IL23R: variants seen among roughly 807,000 people sequenced by gnomAD.
IL23R encodes interleukin-23 receptor.
Under a neutral mutation model 56.9 loss-of-function variants are expected in IL23R, and 34 were observed. The observed-to-expected ratio is 0.60, with a 90% CI of 0.45 to 0.80. The LOEUF (loss-of-function observed/expected upper bound fraction) is 0.80, where lower values mean the gene tolerates loss of function less well. Among genes scored for constraint, IL23R ranks in the 30% least tolerant of loss-of-function variants. IL23R has a pLI of 0.00. For synonymous variants in IL23R, 230 were observed against 249.2 expected (o/e 0.92, Z 0.73); for missense variants, 635 against 730.0 (o/e 0.87, Z 1.50).
At chr1:67,212,530 C>G (rs1649544722) in intron 6 of IL23R, among the ~76,000 whole-genome samples, 1 of 146,108 alleles carries the variant, frequency 6.8e-6, no homozygotes, top group Non-Finnish European at 1.5e-5. Context: ...CTGCTACTTT[C>G]TAGTCATGCA....
chr1:67,183,509 TG>T (rs1332442732), intron 4 of IL23R, among the ~76,000 whole-genome samples: 1 of 152,204 alleles, frequency 6.6e-6, no homozygotes, highest in African/African-American at 2.4e-5. Flanking sequence ...CACTCTAGCC[TG>T]GGCGACAGAA....
chr1:67,169,647 T>C lies in IL23R; in HGVS notation c.367+9T>C. On this transcript the variant is annotated intron_variant, in intron 3 of 10. Coordinates refer to ENST00000347310, the MANE Select transcript of IL23R (RefSeq NM_144701.3). ...AGACATTTCTTCTGGATGTAAGTGT[T>C]GGGGCACATTTGAAATGCAAACAAA... is the stretch of plus-strand genomic sequence containing the variant. The C allele has an allele frequency of 6.2e-7, 1 of 1,613,128 alleles. No homozygotes were observed. Among genetic ancestry groups the C allele is most frequent in the South Asian group, 1.1e-5 (1 of 91,014 alleles).
At chr1:67,212,010 G>A (rs931572897) in intron 6 of IL23R, among the ~76,000 whole-genome samples, 4 of 152,184 alleles carry the variant, frequency 2.6e-5, no homozygotes, top group Non-Finnish European at 2.9e-5. Flanking sequence ...AACTTATACC[G>A]TCAGTAACTA....
intron 7 of IL23R, among the ~76,000 whole-genome samples, chr1:67,230,631 A>G (rs999675748): frequency 2.6e-5 from 4 of 152,230 alleles, no homozygotes; most frequent in South Asian, 2.1e-4. Flanking sequence ...GCCCAGGAAT[A>G]TAAGAAGGAA....
In IL23R at chr1:67,246,655, G is replaced by T. The variant is rs188966021; in HGVS notation, c.1148+6374G>T. Among the ~76,000 whole-genome samples the T allele has an allele frequency of 2.4e-3, 359 of 152,272 alleles. 2 individuals carry two copies. The highest frequency in any genetic ancestry group is 8.3e-3 in the African/African-American group (346 of 41,550). On this transcript the variant is annotated intron_variant, in intron 9 of 10. Transcript: ENST00000347310. ...GTTTCTTAATCCTGAGTTCTAATTTGATTTCACTGTGGTCTGAGAGACAGT... is the reference window on the plus strand; with the variant it reads ...GTTTCTTAATCCTGAGTTCTAATTTTATTTCACTGTGGTCTGAGAGACAGT...
intron 4 of IL23R, among the ~76,000 whole-genome samples, chr1:67,192,862 C>T (rs997085582): frequency 6.6e-6 from 1 of 152,170 alleles, no homozygotes; most frequent in African/African-American, 2.4e-5. Flanking sequence ...TCGCTTCCTC[C>T]AGAGTCCCTT....
intron 1 of IL23R, among the ~76,000 whole-genome samples, chr1:67,152,945 G>A (rs1160081440): frequency 1.3e-5 from 2 of 152,162 alleles, no homozygotes; most frequent in Non-Finnish European, 2.9e-5. Flanking sequence ...TTTGGTATCA[G>A]GATGATGCTG....
In IL23R at chr1:67,259,365, G is replaced by A; in HGVS notation, c.*237G>A. On this transcript the variant is annotated 3_prime_UTR_variant, in exon 11 of 11. Transcript: ENST00000347310. ...TTGTTTCCAGAGTAGTGACATTTCT[G>A]TGCTCCTACCATCACCATGTAAGAA... 7.8e-6 allele frequency: 4 copies of A among 512,122 alleles called. No homozygotes were observed. In the South Asian group the frequency reaches 8.4e-5, roughly 11 times the overall value. 31.7% of individuals were successfully genotyped at this position (512,122 alleles called of 1,614,324 possible).
intron 7 of IL23R, among the ~76,000 whole-genome samples, chr1:67,230,211 T>C (rs1006540573): frequency 1.3e-5 from 2 of 152,146 alleles, no homozygotes; most frequent in Non-Finnish European, 2.9e-5. Flanking sequence ...ACAGCCTGGG[T>C]GTTAGGGGAG....
chr1:67,154,246 G>A (rs1436424785), intron 1 of IL23R, among the ~76,000 whole-genome samples: 1 of 152,212 alleles, frequency 6.6e-6, no homozygotes, highest in East Asian at 1.9e-4. Context: ...GATTAGGGAT[G>A]GAGAGTTCTT....
chr1:67,153,087 T>C (rs945738719), intron 1 of IL23R, among the ~76,000 whole-genome samples: 3 of 152,234 alleles, frequency 2.0e-5, no homozygotes, highest in Non-Finnish European at 4.4e-5. Context: ...CTGGGCTTTT[T>C]TTGGTTGGTA....
chr1:67,219,061 A>G (rs1650066718), intron 6 of IL23R, among the ~76,000 whole-genome samples: 1 of 152,054 alleles, frequency 6.6e-6, no homozygotes, highest in Admixed American at 6.6e-5. Context: ...GATTTGAGAC[A>G]GTTGTCAAAC....
rs78083258 is a variant in IL23R, at chr1:67,228,363, CT to C, written c.956-8335del. On this transcript the variant is annotated intron_variant, in intron 7 of 10. Coordinates refer to ENST00000347310, the MANE Select transcript of IL23R (RefSeq NM_144701.3). ...CATACCCAGCTAATTTTTTTTCTTC[CT>C]TTTTTTTTTTTTTTGTAGAGACAGG... Among the ~76,000 whole-genome samples, 143 of 105,778 alleles carry C rather than the reference CT, an allele frequency of 1.4e-3. 2 individuals carry two copies. Among genetic ancestry groups the C allele is most frequent in the African/African-American group, 3.1e-3 (92 of 29,328 alleles). 69.4% of individuals were successfully genotyped at this position (105,778 alleles called of 152,430 possible). A position where few individuals can be genotyped will look rare whatever the true frequency, so the allele number is the denominator to read the frequency against.
At chr1:67,216,583 T>C (rs1649848116) in intron 6 of IL23R, among the ~76,000 whole-genome samples, 1 of 152,224 alleles carries the variant, frequency 6.6e-6, no homozygotes, top group Non-Finnish European at 1.5e-5. Context: ...GACAATTATG[T>C]AAATGAATGG....
chr1:67,224,604 C>T (rs1650497438), intron 7 of IL23R, among the ~76,000 whole-genome samples: 1 of 152,196 alleles, frequency 6.6e-6, no homozygotes, highest in African/African-American at 2.4e-5. Context: ...CTGGCTTGGC[C>T]ATTAAAAACC....
At chr1:67,187,061 T>G (rs1024736985) in intron 4 of IL23R, among the ~76,000 whole-genome samples, 1 of 152,254 alleles carries the variant, frequency 6.6e-6, no homozygotes, top group Non-Finnish European at 1.5e-5. Flanking sequence ...ACACGTTTTG[T>G]GTAGACATAT....
At chr1:67,233,106 T>G (rs997971396) in intron 7 of IL23R, among the ~76,000 whole-genome samples, 1 of 143,850 alleles carries the variant, frequency 7.0e-6, no homozygotes, top group South Asian at 2.2e-4. Context: ...CCCAGCATTT[T>G]GGGAGGCTGA....
At chr1:67,243,848 T>A (rs1453092567) in intron 9 of IL23R, among the ~76,000 whole-genome samples, 1 of 152,176 alleles carries the variant, frequency 6.6e-6, no homozygotes, top group Non-Finnish European at 1.5e-5. Flanking sequence ...CTGGGTCAAA[T>A]GGTATTTCTG....
chr1:67,145,516 G>C (rs2102527192), intron 1 of IL23R, among the ~76,000 whole-genome samples: 1 of 152,004 alleles, frequency 6.6e-6, no homozygotes, highest in South Asian at 2.1e-4. Context: ...CTCTTTTCTG[G>C]TCCTCATACC....
Sources: gnomAD v4.1 joint callset for allele counts (sites outside exome capture counted in the v4.1 genomes callset) on GRCh38, gnomAD v4.1.1 for gene constraint, MANE v1.5 for transcripts, NCBI Gene and HGNC (gene_info 2026-07-23, HGNC 2026-07-21) for gene names.